The following HS3ST5 variants were observed in gnomAD, a reference collection of about 807,000 sequenced individuals.
HS3ST5 encodes heparan sulfate-glucosamine 3-sulfotransferase 5.
HS3ST5 carries 10 observed loss-of-function variants against 25.4 expected under a neutral mutation model. That is an observed-to-expected ratio of 0.39 (90% CI 0.24 to 0.67). The LOEUF (loss-of-function observed/expected upper bound fraction) is 0.67, where lower values mean the gene tolerates loss of function less well. HS3ST5 is among the 30% of genes least tolerant of loss of function. The probability of loss-of-function intolerance (pLI) is 0.44; values close to 1 mark genes in which losing one functional copy is unlikely to be tolerated. For missense variants in HS3ST5, 324 were observed against 420.7 expected (o/e 0.77, Z 2.01); for synonymous variants, 170 against 162.4 (o/e 1.05, Z -0.36).
chr6:114,178,301 T>C (rs1779813749), intron 2 of HS3ST5, among the ~76,000 whole-genome samples: 1 of 152,066 alleles, frequency 6.6e-6, no homozygotes, highest in Non-Finnish European at 1.5e-5. Context: ...GGTTTATTAT[T>C]CACAACCAAA....
intron 1 of HS3ST5, among the ~76,000 whole-genome samples, chr6:114,286,828 C>T (rs1351116596): frequency 1.3e-5 from 2 of 151,816 alleles, no homozygotes. Context: ...TAATATTTAT[C>T]ATGAATAATA....
At chr6:114,167,909 T>C (rs1343988970) in intron 3 of HS3ST5, among the ~76,000 whole-genome samples, 1 of 152,060 alleles carries the variant, frequency 6.6e-6, no homozygotes, top group Admixed American at 6.6e-5. Flanking sequence ...TTGTTTGGCG[T>C]TCGAGAGTAA....
At chr6:114,257,547 TA>T (rs1772985636) in intron 1 of HS3ST5, among the ~76,000 whole-genome samples, 1 of 152,146 alleles carries the variant, frequency 6.6e-6, no homozygotes, top group Non-Finnish European at 1.5e-5. Flanking sequence ...TCCTGTTAGA[TA>T]ACAGGCTAAA....
intron 1 of HS3ST5, among the ~76,000 whole-genome samples, chr6:114,292,831 C>A (rs2114780096): frequency 6.6e-6 from 1 of 152,244 alleles, no homozygotes; most frequent in Non-Finnish European, 1.5e-5. Context: ...TACTTTAAAT[C>A]ATCTCTAGAT....
At chr6:114,194,893 G>A (rs967816922) in intron 2 of HS3ST5, among the ~76,000 whole-genome samples, 1 of 152,168 alleles carries the variant, frequency 6.6e-6, no homozygotes, top group Non-Finnish European at 1.5e-5. Context: ...TCTGTTTCTG[G>A]CATCTGGCCA....
intron 3 of HS3ST5, among the ~76,000 whole-genome samples, chr6:114,134,713 T>C (rs1178758995): frequency 6.6e-6 from 1 of 152,226 alleles, no homozygotes; most frequent in Non-Finnish European, 1.5e-5. Flanking sequence ...CTGGAAAGCA[T>C]CATTCCTATC....
At chr6:114,074,885 A>G (rs1329700666) in intron 3 of HS3ST5, among the ~76,000 whole-genome samples, 1 of 152,188 alleles carries the variant, frequency 6.6e-6, no homozygotes, top group African/African-American at 2.4e-5. Flanking sequence ...ATTTTCTTAA[A>G]TTGCAGTATT....
chr6:114,276,488 G>A (rs1443330389), intron 1 of HS3ST5, among the ~76,000 whole-genome samples: 1 of 151,374 alleles, frequency 6.6e-6, no homozygotes, highest in Non-Finnish European at 1.5e-5. Context: ...CACATAATAA[G>A]AGTAATCTTC....
At chr6:114,137,867 T>C (rs1777706030) in intron 3 of HS3ST5, among the ~76,000 whole-genome samples, 1 of 152,224 alleles carries the variant, frequency 6.6e-6, no homozygotes, top group Non-Finnish European at 1.5e-5. Context: ...TTGGTGGCAC[T>C]GATTGTTAGG....
intron 2 of HS3ST5, among the ~76,000 whole-genome samples, chr6:114,209,582 A>G (rs565868853): frequency 1.3e-5 from 2 of 152,340 alleles, no homozygotes; most frequent in South Asian, 4.1e-4. Context: ...TAATAAAAAG[A>G]AAGCCATTAA....
At chr6:114,323,791 A>G (rs1776063679) in intron 1 of HS3ST5, among the ~76,000 whole-genome samples, 1 of 152,170 alleles carries the variant, frequency 6.6e-6, no homozygotes, top group Non-Finnish European at 1.5e-5. Flanking sequence ...GTATAAAGCT[A>G]TAGAGTATTG....
chr6:114,286,106 A>T (rs1243072751), intron 1 of HS3ST5, among the ~76,000 whole-genome samples: 1 of 152,074 alleles, frequency 6.6e-6, no homozygotes, highest in Non-Finnish European at 1.5e-5. Context: ...CTACTTTTCA[A>T]TAAAATTTCC....
chr6:114,057,338 G>C lies in HS3ST5; in HGVS notation c.960C>G (p.Val320=). ...GAAAGAATTTGCGCAATTTAGTAAT[G>C]ACAGAGGGGTCCACCTCTGGATGAA... is the stretch of plus-strand genomic sequence containing the variant. ...GRIHPEVDPS[V]ITKLRKFFHP... Residue 320 remains valine, a synonymous_variant, in exon 5 of 5, where the codon GTC becomes GTG. Transcript: ENST00000312719. 1 of 1,614,030 alleles carries C rather than the reference G, an allele frequency of 6.2e-7. No individual in the cohort carries two copies. The highest frequency in any genetic ancestry group is 1.7e-4 in the Middle Eastern group (1 of 6,060).
At chr6:114,222,032 G>A (rs181072883) in intron 2 of HS3ST5, among the ~76,000 whole-genome samples, 13 of 151,786 alleles carry the variant, frequency 8.6e-5, no homozygotes, top group South Asian at 2.1e-4. Flanking sequence ...GAAAATTTGC[G>A]CAACACTCAT....
intron 1 of HS3ST5, among the ~76,000 whole-genome samples, chr6:114,242,197 G>A (rs1772159958): frequency 1.3e-5 from 2 of 152,194 alleles, no homozygotes; most frequent in South Asian, 4.1e-4. Flanking sequence ...GAAAAATAAT[G>A]TAAAGTCTGA....
intron 3 of HS3ST5, among the ~76,000 whole-genome samples, chr6:114,070,682 C>CTCAGTG (rs1773766221): frequency 1.3e-5 from 2 of 152,040 alleles, no homozygotes; most frequent in Non-Finnish European, 2.9e-5. Context: ...CTTCCCACAA[C>CTCAGTG]ACTGCCTCTC....
intron 1 of HS3ST5, among the ~76,000 whole-genome samples, chr6:114,273,420 C>T (rs566201959): frequency 1.9e-4 from 29 of 151,880 alleles, no homozygotes; most frequent in Admixed American, 3.9e-4. Flanking sequence ...GAGCCTGGAG[C>T]GCTAGGGTGA....
At chr6:114,303,298 C>T (rs1335397515) in intron 1 of HS3ST5, among the ~76,000 whole-genome samples, 1 of 151,802 alleles carries the variant, frequency 6.6e-6, no homozygotes, top group African/African-American at 2.4e-5. Context: ...TTATACTCTC[C>T]TTCCTCAGTC....
intron 1 of HS3ST5, among the ~76,000 whole-genome samples, chr6:114,323,013 C>T (rs1776028382): frequency 6.6e-6 from 1 of 152,088 alleles, no homozygotes; most frequent in Non-Finnish European, 1.5e-5. Context: ...ATAAATGCTG[C>T]TCTGCTGGTC....
Sources: gnomAD v4.1 joint callset for allele counts (sites outside exome capture counted in the v4.1 genomes callset) on GRCh38, gnomAD v4.1.1 for gene constraint, MANE v1.5 for transcripts, NCBI Gene and HGNC (gene_info 2026-07-23, HGNC 2026-07-21) for gene names.